ZBTB16: variants seen among roughly 807,000 people sequenced by gnomAD.
The protein encoded by ZBTB16 is zinc finger and BTB domain containing 16, also known as zinc finger and BTB domain-containing protein 16.
ZBTB16 carries 8 observed loss-of-function variants against 56.8 expected under a neutral mutation model. The ratio of observed to expected loss-of-function variants is 0.14; its 90% CI spans 0.08 to 0.25. The LOEUF (loss-of-function observed/expected upper bound fraction) is 0.25, where lower values mean the gene tolerates loss of function less well. Among genes scored for constraint, ZBTB16 ranks in the 10% least tolerant of loss-of-function variants. The probability of loss-of-function intolerance (pLI) is 1.00; values close to 1 mark genes in which losing one functional copy is unlikely to be tolerated. For missense variants in ZBTB16, 625 were observed against 903.0 expected (o/e 0.69, Z 3.95); for synonymous variants, 363 against 368.5 (o/e 0.98, Z 0.17).
chr11:114,241,739 G>T (rs937367139), intron 4 of ZBTB16, among the ~76,000 whole-genome samples: 1 of 152,114 alleles, frequency 6.6e-6, no homozygotes, highest in African/African-American at 2.4e-5. Context: ...ATTTATATTA[G>T]TTATGTTAGA....
At chr11:114,148,151 G>A (rs1942157143) in intron 2 of ZBTB16, among the ~76,000 whole-genome samples, 1 of 152,106 alleles carries the variant, frequency 6.6e-6, no homozygotes. Context: ...TTCTGACATT[G>A]TGTTTTAGCA....
chr11:114,148,994 A>G (rs373765819), intron 2 of ZBTB16, among the ~76,000 whole-genome samples: 4 of 151,962 alleles, frequency 2.6e-5, no homozygotes, highest in South Asian at 4.1e-4. Flanking sequence ...CATTCAGTCA[A>G]CAAAAATGAG....
chr11:114,220,429 A>T (rs754489609), intron 4 of ZBTB16, among the ~76,000 whole-genome samples: 6 of 152,206 alleles, frequency 3.9e-5, no homozygotes, highest in Non-Finnish European at 5.9e-5. Context: ...CTAGCCTCCG[A>T]TGCTTACAGA....
At chr11:114,183,265 C>T (rs1259834376) in intron 3 of ZBTB16, among the ~76,000 whole-genome samples, 1 of 152,192 alleles carries the variant, frequency 6.6e-6, no homozygotes, top group East Asian at 1.9e-4. Flanking sequence ...AGTGTCGTGA[C>T]TTCAGCGAGG....
intron 4 of ZBTB16, among the ~76,000 whole-genome samples, chr11:114,194,204 A>G (rs1943558722): frequency 6.6e-6 from 1 of 152,244 alleles, no homozygotes; most frequent in East Asian, 1.9e-4. Context: ...CAAGGCTGCC[A>G]TGTGGGAGTT....
At chr11:114,105,019 A>G (rs76266809) in intron 2 of ZBTB16, among the ~76,000 whole-genome samples, 2,123 of 152,218 alleles carry the variant, frequency 0.014, 49 homozygotes, top group African/African-American at 0.048. Flanking sequence ...ACCCCTCGCC[A>G]CCCACTCACC....
intron 2 of ZBTB16, among the ~76,000 whole-genome samples, chr11:114,074,108 A>T (rs959360785): frequency 2.0e-5 from 3 of 152,232 alleles, no homozygotes; most frequent in African/African-American, 7.2e-5. Flanking sequence ...AAGTATGTTA[A>T]TGAGATCACT....
rs116451759 is a variant in ZBTB16 at position 114,064,458 on chromosome 11, C to T, written c.1158C>T (p.Ser386=). 2 of 1,614,168 alleles carry T rather than the reference C, an allele frequency of 1.2e-6. No homozygotes were observed. The highest frequency in any genetic ancestry group is 1.3e-5 in the African/African-American group (1 of 75,066). ...PQGFIQRELF[S]KLGELAVGMK... ...GCTTCATCCAGAGGGAGCTGTTCAG[C>T]AAGCTGGGGGAGCTGGCTGTGGGCA... is the stretch of plus-strand genomic sequence containing the variant. Residue 386 remains serine (S), a synonymous_variant, in exon 2 of 7, where the codon AGC becomes AGT. Coordinates refer to ENST00000335953, the MANE Select transcript of ZBTB16 (RefSeq NM_006006.6). The surrounding 1 kb of genome is among the most constrained non-coding windows in gnomAD (Gnocchi z 4.2).
Position 114,063,923 on chromosome 11 carries a change from C to A in ZBTB16, c.623C>A (p.Thr208Asn). The A allele has an allele frequency of 6.2e-7, 1 of 1,613,904 alleles. No individual in the cohort carries two copies. The change falls in exon 2 of 7, where the codon ACC becomes AAC. Residue 208 changes from threonine (T) to asparagine (N), a missense_variant. Physicochemically the swap from Thr to Asn is moderately conservative, Grantham distance 65. Coordinates refer to ENST00000335953, the MANE Select transcript of ZBTB16 (RefSeq NM_006006.6). This position sits in a 1 kb window ranked among gnomAD's most constrained non-coding sequence, Gnocchi z 6.5. ...AAGGCTGCAGTGGACAGTTTGATGA[C>A]CATAGGACAGTCTCTCCTGCAGGGA... The part of the protein sequence containing the change: ...PTKAAVDSLM[T>N]IGQSLLQGTL...
chr11:114,231,433 G>A (rs1435255158), intron 4 of ZBTB16, among the ~76,000 whole-genome samples: 1 of 152,144 alleles, frequency 6.6e-6, no homozygotes, highest in Non-Finnish European at 1.5e-5. Flanking sequence ...ACCTGGCACA[G>A]AGAGGCTTCA....
intron 4 of ZBTB16, among the ~76,000 whole-genome samples, chr11:114,238,015 C>T (rs1379954600): frequency 6.6e-6 from 1 of 152,186 alleles, no homozygotes; most frequent in Admixed American, 6.5e-5. Flanking sequence ...ACTGTAGGGA[C>T]ATCATAGTGT....
Position 114,246,956 on chromosome 11 carries a change from C to G in ZBTB16, c.1625-242C>G, listed in dbSNP as rs1015241804. 3.2e-5 allele frequency: 18 copies of G among 565,840 alleles called. No homozygotes were observed. In the Admixed American group the frequency reaches 3.8e-4, roughly 12 times the overall value. The allele number at this position is 565,840 out of a possible 1,614,324, so 35.1% of individuals were successfully genotyped here. A position where few individuals can be genotyped will look rare whatever the true frequency, so the allele number is the denominator to read the frequency against. On this transcript the variant is annotated intron_variant, in intron 5 of 6. Transcript: ENST00000335953. ...TGTCCATCCCTGAACCAAATGGGCT[C>G]TCTTTCCCAGGACTGGCCCTTGCCC...
chr11:114,180,917 T>C (rs960082270), intron 3 of ZBTB16: 4 of 152,362 alleles, frequency 2.6e-5, no homozygotes, highest in Admixed American at 2.6e-4. Flanking sequence ...CTCCAGGGGC[T>C]TGTCCAGAGA....
chr11:114,206,158 T>A (rs957706323), intron 4 of ZBTB16, among the ~76,000 whole-genome samples: 2 of 152,000 alleles, frequency 1.3e-5, no homozygotes, highest in East Asian at 1.9e-4. Context: ...AAAAGTAGAG[T>A]CTGGAATTGC....
chr11:114,245,907 G>A (rs1001699313), intron 5 of ZBTB16, among the ~76,000 whole-genome samples: 1 of 152,118 alleles, frequency 6.6e-6, no homozygotes, highest in Non-Finnish European at 1.5e-5. Context: ...ACGAATCAGC[G>A]ATATTTAAAT....
chr11:114,114,253 A>G (rs2073844), intron 2 of ZBTB16, among the ~76,000 whole-genome samples: 14,461 of 152,272 alleles, frequency 0.095, 738 homozygotes, highest in Middle Eastern at 0.2. Flanking sequence ...AGAATAATGG[A>G]TGAAGTCCAA....
At chr11:114,070,264 G>A (rs373996030) in intron 2 of ZBTB16, among the ~76,000 whole-genome samples, 35 of 150,962 alleles carry the variant, frequency 2.3e-4, no homozygotes, top group Middle Eastern at 6.9e-3. Context: ...GCCCGCCACC[G>A]CGCCCGGCTA....
chr11:114,065,041 G>A (rs1473936893), intron 2 of ZBTB16, among the ~76,000 whole-genome samples: 3 of 152,130 alleles, frequency 2.0e-5, no homozygotes, highest in African/African-American at 7.2e-5. Flanking sequence ...GAGAATGGGA[G>A]GGTCTGGGGG....
chr11:114,085,330 G>T (rs1939920646), intron 2 of ZBTB16, among the ~76,000 whole-genome samples: 1 of 152,174 alleles, frequency 6.6e-6, no homozygotes, highest in Admixed American at 6.5e-5. Flanking sequence ...GTTCGAGGAG[G>T]TCCCCCAAAC....
Sources: allele counts gnomAD v4.1 joint callset (sites outside exome capture counted in the v4.1 genomes callset), GRCh38; gene constraint gnomAD v4.1.1; non-coding constraint Gnocchi (gnomAD v3.1); transcripts MANE v1.5; gene names NCBI Gene and HGNC (gene_info 2026-07-23, HGNC 2026-07-21).